The following N4BP2L2 variants were observed in gnomAD, a reference collection of about 807,000 sequenced individuals.
The protein encoded by N4BP2L2 is NEDD4 binding protein 2 like 2.
In N4BP2L2, 50 loss-of-function variants were observed where a neutral mutation model predicts 56.2. The observed-to-expected ratio is 0.89, with a 90% CI of 0.71 to 1.13. The LOEUF is 1.13. Among genes scored for constraint, N4BP2L2 ranks in the 50% most tolerant of loss-of-function variants. The pLI, the probability that N4BP2L2 is intolerant of heterozygous loss-of-function variation, is 0.00. For synonymous variants in N4BP2L2, 203 were observed against 223.6 expected, an observed-to-expected ratio of 0.91 and a Z score of 0.82; for missense variants, 689 against 693.8, an observed-to-expected ratio of 0.99 and a Z score of 0.08.
chr13:32,521,486 A>AAGT, intron 4 of N4BP2L2, 37 bp from the exon 5 acceptor site: 1 of 1,411,176 alleles, frequency 7.1e-7, no homozygotes, highest in East Asian at 2.3e-5. Context: ...AAACCCAGAG[A>AAGT]AGTACTTCTT....
chr13:32,518,031 CTT>C, intron 5 of N4BP2L2, 28 bp from the exon 6 acceptor site: 1 of 1,605,786 alleles, frequency 6.2e-7, no homozygotes, highest in Non-Finnish European at 8.5e-7. Flanking sequence ...GATTGTAAAT[CTT>C]TGTTGCAGAA....
intron 6 of N4BP2L2, among the ~76,000 whole-genome samples, chr13:32,471,705 T>TA (rs2082326991): frequency 6.6e-6 from 1 of 152,190 alleles, no homozygotes; most frequent in African/African-American, 2.4e-5. Flanking sequence ...ACAGCCAAGA[T>TA]AAAAGCAGTG....
intron 6 of N4BP2L2, among the ~76,000 whole-genome samples, chr13:32,491,295 A>C (rs2087004982): frequency 6.6e-6 from 1 of 152,116 alleles, no homozygotes; most frequent in South Asian, 2.1e-4. Flanking sequence ...TGAATTACAA[A>C]GGTTCACAGA....
rs1440293307 is a variant in N4BP2L2 at position 32,434,254 on chromosome 13, T to TC, written c.*22-1283_*22-1282insG. Reference sequence around the variant, plus strand: ...ACCACATTCAGCTAATTTTCTTTTTTTCTTTTTTTTTTTTTTGTATTTTAG... The same window carrying TC: ...ACCACATTCAGCTAATTTTCTTTTTTCTCTTTTTTTTTTTTTTGTATTTTAG... On this transcript the variant is annotated intron_variant, in intron 9 of 9. Coordinates refer to the N4BP2L2 transcript ENST00000357505. 2.9e-5 allele frequency among the ~76,000 whole-genome samples: 4 copies of TC among 139,400 alleles called. 1 individual carries two copies. In the East Asian group the frequency reaches 6.2e-4, roughly 22 times the overall value. 91.5% of individuals were successfully genotyped at this position (139,400 alleles called of 152,430 possible).
intron 1 of N4BP2L2, 90 bp downstream of exon 1, chr13:32,538,528 T>C: frequency 1.3e-6 from 1 of 757,590 alleles, no homozygotes; most frequent in Non-Finnish European, 1.6e-6. Context: ...ACGTCTACGT[T>C]TACAGCTAAT....
At chr13:32,538,629 C>T in exon 1 of N4BP2L2, 1 of 985,550 alleles carries the variant, frequency 1.0e-6, no homozygotes, top group Non-Finnish European at 1.2e-6. Flanking sequence ...TTACTCTACC[C>T]CTACGCATTG....
At chr13:32,536,927 A>C (rs374326055) in exon 2 of N4BP2L2, 3 of 1,613,858 alleles carry the variant, frequency 1.9e-6, no homozygotes, top group African/African-American at 2.7e-5. Flanking sequence ...ATTGTGAAAA[A>C]CATACGACTC....
intron 8 of N4BP2L2, chr13:32,436,488 A>T: frequency 1.7e-6 from 1 of 590,058 alleles, no homozygotes; most frequent in Non-Finnish European, 2.9e-6. Flanking sequence ...TCATGTAGGG[A>T]CACTCCTAAA....
intron 6 of N4BP2L2, among the ~76,000 whole-genome samples, chr13:32,496,793 C>T (rs982183118): frequency 6.6e-6 from 1 of 152,220 alleles, no homozygotes; most frequent in Non-Finnish European, 1.5e-5. Flanking sequence ...CCACCTCTGA[C>T]ATGTTCCCCA....
chr13:32,487,739 C>A (rs1253031894), intron 6 of N4BP2L2, among the ~76,000 whole-genome samples: 2 of 152,096 alleles, frequency 1.3e-5, no homozygotes, highest in Non-Finnish European at 2.9e-5. Context: ...CGAATATCTT[C>A]CCCATAGCAG....
chr13:32,508,593 A>T (rs1252038926), downstream of N4BP2L2: 1 of 152,208 alleles, frequency 6.6e-6, no homozygotes, highest in Non-Finnish European at 1.5e-5. Flanking sequence ...AAAACAGGTC[A>T]ACAAAATTAA....
intron 8 of N4BP2L2, among the ~76,000 whole-genome samples, chr13:32,436,808 A>AGG (rs1244071843): frequency 2.5e-5 from 3 of 121,212 alleles, no homozygotes; most frequent in African/African-American, 1.3e-4. Context: ...AAAAAAAAAA[A>AGG]AAGAAAGGAA....
intron 2 of N4BP2L2, among the ~76,000 whole-genome samples, chr13:32,528,378 A>G (rs958768725): frequency 3.9e-5 from 6 of 152,256 alleles, no homozygotes; most frequent in African/African-American, 1.4e-4. Flanking sequence ...CCAAAGTATA[A>G]TCAAACTTTA....
At chr13:32,520,791 A>G (rs1480247080) in intron 5 of N4BP2L2, among the ~76,000 whole-genome samples, 1 of 152,196 alleles carries the variant, frequency 6.6e-6, no homozygotes, top group Non-Finnish European at 1.5e-5. Context: ...TCTCACCACA[A>G]TTACTGAAAT....
intron 6 of N4BP2L2, among the ~76,000 whole-genome samples, chr13:32,465,515 TAC>T (rs893308750): frequency 2.6e-5 from 4 of 151,600 alleles, no homozygotes; most frequent in African/African-American, 7.3e-5. Context: ...CCTTTCTCAA[TAC>T]ACACAGTCAT....
chr13:32,498,957 C>T (rs955620163), intron 6 of N4BP2L2, among the ~76,000 whole-genome samples: 1 of 135,088 alleles, frequency 7.4e-6, no homozygotes, highest in Non-Finnish European at 1.5e-5. Flanking sequence ...CCATTGCACT[C>T]CAGACTGGGT....
intron 5 of N4BP2L2, among the ~76,000 whole-genome samples, chr13:32,518,825 ATATATT>A (rs969676133): frequency 3.9e-5 from 6 of 152,154 alleles, no homozygotes; most frequent in African/African-American, 1.4e-4. Context: ...TTGTTAAGTT[ATATATT>A]TATATTTATG....
chr13:32,527,928 T>G (rs964108363), intron 2 of N4BP2L2, among the ~76,000 whole-genome samples: 1 of 152,070 alleles, frequency 6.6e-6, no homozygotes, highest in Admixed American at 6.6e-5. Flanking sequence ...TGTGCCACCA[T>G]GCCTGGCTAA....
intron 5 of N4BP2L2, among the ~76,000 whole-genome samples, chr13:32,518,536 A>G (rs901770574): frequency 2.0e-5 from 3 of 152,196 alleles, no homozygotes; most frequent in African/African-American, 7.2e-5. Flanking sequence ...TTCCATATAT[A>G]TATGTATTAT....
Sources: allele counts gnomAD v4.1 joint callset (sites outside exome capture counted in the v4.1 genomes callset), GRCh38; gene constraint gnomAD v4.1.1; transcripts MANE v1.5; gene names NCBI Gene and HGNC (gene_info 2026-07-23, HGNC 2026-07-21).